The following GRTP1 variants were observed in gnomAD, a reference collection of about 807,000 sequenced individuals.
The protein encoded by GRTP1 is growth hormone-regulated TBC protein 1.
GRTP1 carries 56 observed loss-of-function variants against 38.1 expected under a neutral mutation model. That is an observed-to-expected ratio of 1.47 (90% CI 1.19 to 1.84). The LOEUF is 1.84. Among genes scored for constraint, GRTP1 ranks in the 40% most tolerant of loss-of-function variants. The probability of loss-of-function intolerance (pLI) is 0.00; values close to 1 mark genes in which losing one functional copy is unlikely to be tolerated. For synonymous variants in GRTP1, 217 were observed against 189.5 expected (o/e 1.14, Z -1.19); for missense variants, 506 against 453.9 (o/e 1.11, Z -1.04).
chr13:113,354,283 C>T (rs1026198103), intron 3 of GRTP1, among the ~76,000 whole-genome samples: 5 of 152,186 alleles, frequency 3.3e-5, no homozygotes, highest in Non-Finnish European at 7.3e-5. Flanking sequence ...TCTCCCCTGG[C>T]AGCCCCAGCT....
At chr13:113,358,810 G>C (rs1330943418) in intron 2 of GRTP1, among the ~76,000 whole-genome samples, 3 of 152,232 alleles carry the variant, frequency 2.0e-5, no homozygotes, top group Non-Finnish European at 4.4e-5. Context: ...TCATATATTT[G>C]TGGTGGGAAT....
rs952246795 is a variant in GRTP1 at position 113,341,727 on chromosome 13, G to C, written c.562+3136C>G. On this transcript the variant is annotated intron_variant, in intron 5 of 7. Coordinates refer to ENST00000375431, the MANE Select transcript of GRTP1 (RefSeq NM_024719.4). The stretch of plus-strand genomic sequence containing the variant: ...TTTATATCGGTCTATAAAAACTCTG[G>C]AAATACATACATCAGACTGATGATA... Among the ~76,000 whole-genome samples, 2 of 152,284 alleles carry C rather than the reference G, an allele frequency of 1.3e-5. 1 individual carries two copies. The highest frequency in any genetic ancestry group is 4.1e-4 in the South Asian group (2 of 4,830).
intron 5 of GRTP1, among the ~76,000 whole-genome samples, chr13:113,327,885 C>A (rs1051194658): frequency 6.6e-6 from 1 of 152,222 alleles, no homozygotes; most frequent in Admixed American, 6.5e-5. Context: ...AGACACACAG[C>A]CTGACCTTGG....
intron 5 of GRTP1, among the ~76,000 whole-genome samples, chr13:113,329,066 C>T (rs756124500): frequency 3.9e-5 from 6 of 152,378 alleles, no homozygotes; most frequent in Admixed American, 6.5e-5. Context: ...TCCCCCGATC[C>T]GGGTGCTCTC....
chr13:113,341,947 C>T (rs1017748463), intron 5 of GRTP1, among the ~76,000 whole-genome samples: 2 of 151,934 alleles, frequency 1.3e-5, no homozygotes, highest in Admixed American at 6.6e-5. Flanking sequence ...CTACTCTGCC[C>T]GGCCCTGTTT....
chr13:113,336,348 A>AAAACAAACAAACAAACAAACAAAC (rs61192086), intron 5 of GRTP1, among the ~76,000 whole-genome samples: 1 of 149,528 alleles, frequency 6.7e-6, no homozygotes, highest in Admixed American at 6.7e-5. Flanking sequence ...ATTTAATTAA[A>AAAACAAACAAACAAACAAACAAAC]AAACAAACAA....
At position 113,346,621 on chromosome 13, in the gene GRTP1, CGGG is replaced by C. The variant is rs1566430614; in HGVS notation, c.466-1665_466-1663del. Among the ~76,000 whole-genome samples, 11 of 9,412 alleles carry C rather than the reference CGGG, an allele frequency of 1.2e-3. 2 individuals are homozygous for C. Among genetic ancestry groups the C allele is most frequent in the African/African-American group, 1.3e-3 (11 of 8,234 alleles). 6.2% of individuals were successfully genotyped at this position (9,412 alleles called of 152,430 possible). On this transcript the variant is annotated intron_variant, in intron 4 of 7. Coordinates refer to ENST00000375431, the MANE Select transcript of GRTP1 (RefSeq NM_024719.4). ...GGACCTCTGTGCCTGACAGTGGACC[CGGG>C]AGGACCTCTGTGGCTGAGAGCGGAC...
chr13:113,333,420 C>T (rs982811893), intron 5 of GRTP1, among the ~76,000 whole-genome samples: 2 of 152,208 alleles, frequency 1.3e-5, no homozygotes, highest in East Asian at 1.9e-4. Context: ...CTGCACCGTA[C>T]GCTTGAAATG....
At chr13:113,333,834 ATTTAGT>A (rs1398307020) in intron 5 of GRTP1, among the ~76,000 whole-genome samples, 141 of 92,028 alleles carry the variant, frequency 1.5e-3, no homozygotes, top group African/African-American at 6.2e-3. Context: ...TTATTTATTT[ATTTAGT>A]GTGTGTGTGT....
intron 5 of GRTP1, among the ~76,000 whole-genome samples, chr13:113,340,435 C>T (rs2043010599): frequency 6.6e-6 from 1 of 151,866 alleles, no homozygotes; most frequent in African/African-American, 2.4e-5. Context: ...GCCATGATCA[C>T]ACCACTGCAC....
chr13:113,325,295 C>T, intron 7 of GRTP1: 2 of 1,326,232 alleles, frequency 1.5e-6, no homozygotes, highest in Non-Finnish European at 9.6e-7. Flanking sequence ...CTGTCAGGTA[C>T]AGCTCCCACA....
intron 5 of GRTP1, among the ~76,000 whole-genome samples, chr13:113,329,957 A>C (rs1445308828): frequency 6.6e-6 from 1 of 152,212 alleles, no homozygotes; most frequent in Non-Finnish European, 1.5e-5. Context: ...TAGCTGATGC[A>C]AGTGTGCATG....
chr13:113,352,240 A>ATATTTATATG (rs2043281661), intron 3 of GRTP1, among the ~76,000 whole-genome samples: 1 of 91,460 alleles, frequency 1.1e-5, no homozygotes, highest in African/African-American at 4.0e-5. Context: ...ATTTATATAT[A>ATATTTATATG]TATTTATATA....
chr13:113,336,837 G>A (rs534183007), intron 5 of GRTP1, among the ~76,000 whole-genome samples: 1 of 151,960 alleles, frequency 6.6e-6, no homozygotes. Context: ...GATGCGTGAG[G>A]GTGAGAGGGC....
rs768915452 is a variant in GRTP1, at chr13:113,344,903, A to C, written c.522T>G (p.Ser174=). 3 of 1,605,254 alleles carry C rather than the reference A, an allele frequency of 1.9e-6. No homozygotes were observed. Residue 174 remains serine, a synonymous_variant, in exon 5 of 8, where the codon TCT becomes TCG. Transcript: ENST00000375431. The part of the protein sequence containing the change: ...LILITNNEEE[S]FWLLDALVGR... ...CAACAAGAGCATCTAACAGCCAAAA[A>C]GATTCTTCTTCATTATTTGTTATAA...
chr13:113,355,234 C>A, intron 3 of GRTP1, 89 bp downstream of exon 3: 2 of 1,398,852 alleles, frequency 1.4e-6, no homozygotes, highest in South Asian at 1.3e-5. Context: ...GCACCGCTCA[C>A]CCCTGGACGC....
At chr13:113,355,541 G>T (rs925843759) in intron 2 of GRTP1, 60 bp from the exon 3 acceptor site, 4 of 1,490,968 alleles carry the variant, frequency 2.7e-6, no homozygotes, top group East Asian at 2.4e-5. Flanking sequence ...GGGCCCACGC[G>T]TTCCTGCCAC....
intron 5 of GRTP1, among the ~76,000 whole-genome samples, chr13:113,332,376 A>ACGCACGTG (rs1359471597): frequency 1.4e-5 from 2 of 142,220 alleles, no homozygotes; most frequent in African/African-American, 5.9e-5. Context: ...CACGCACACC[A>ACGCACGTG]CACACGCACA....
chr13:113,324,758 CTG>C, intron 7 of GRTP1, 181 bp from the exon 8 acceptor site: 1 of 1,368,920 alleles, frequency 7.3e-7, no homozygotes, highest in Non-Finnish European at 9.4e-7. Context: ...GGGCCTAGGA[CTG>C]CAGCTTTGCT....
Sources: gnomAD v4.1 joint callset for allele counts (sites outside exome capture counted in the v4.1 genomes callset) on GRCh38, gnomAD v4.1.1 for gene constraint, MANE v1.5 for transcripts, NCBI Gene and HGNC (gene_info 2026-07-23, HGNC 2026-07-21) for gene names.